VAV3: variants seen among roughly 807,000 people sequenced by gnomAD.
VAV3 encodes guanine nucleotide exchange factor VAV3.
VAV3 carries 94 observed loss-of-function variants against 131.2 expected under a neutral mutation model. The ratio of observed to expected loss-of-function variants is 0.72; its 90% CI spans 0.61 to 0.85. The LOEUF (loss-of-function observed/expected upper bound fraction) is 0.85. Ranked by LOEUF, VAV3 falls within the 40% of genes least tolerant of loss-of-function variation. The probability of loss-of-function intolerance (pLI) is 0.00; values close to 1 mark genes in which losing one functional copy is unlikely to be tolerated. For synonymous variants in VAV3, 349 were observed against 342.0 expected (o/e 1.02, Z -0.22); for missense variants, 939 against 1,002.7 (o/e 0.94, Z 0.86).
rs368494974 is a variant in VAV3 at position 107,757,243 on chromosome 1, C to T, written c.1086+18G>A. On this transcript the variant is annotated intron_variant, in intron 11 of 26. Transcript: ENST00000370056. ...AAGAATAAAAAATACAAACAAATTA[C>T]TGATGAATCTGCCCTACCTTCATGG... 3.1e-6 allele frequency: 5 copies of T among 1,604,928 alleles called. No individual in the cohort carries two copies. The South Asian group carries it at 3.4e-5, about 11-fold the overall frequency.
intron 19 of VAV3, among the ~76,000 whole-genome samples, chr1:107,654,965 T>C (rs180995673): frequency 5.8e-4 from 89 of 152,202 alleles, no homozygotes; most frequent in African/African-American, 1.7e-3. Flanking sequence ...TAATAACAAA[T>C]TGTGCCAAGA....
At chr1:107,914,819 G>T (rs1239807918) in intron 1 of VAV3, among the ~76,000 whole-genome samples, 1 of 152,072 alleles carries the variant, frequency 6.6e-6, no homozygotes, top group Admixed American at 6.6e-5. Flanking sequence ...AACAAGATTT[G>T]GTCCTTTTGC....
chr1:107,884,730 A>G (rs938500304), intron 1 of VAV3, among the ~76,000 whole-genome samples: 10 of 151,964 alleles, frequency 6.6e-5, no homozygotes, highest in African/African-American at 2.4e-4. Context: ...GATTATAAGC[A>G]TAAGCATCAT....
At chr1:107,575,595 T>C (rs1341723718) in intron 25 of VAV3, among the ~76,000 whole-genome samples, 1 of 152,212 alleles carries the variant, frequency 6.6e-6, no homozygotes, top group Non-Finnish European at 1.5e-5. Context: ...GTCCCATTAC[T>C]GGGGCACTAC....
At chr1:107,876,786 G>A (rs1169325169) in intron 1 of VAV3, among the ~76,000 whole-genome samples, 2 of 152,064 alleles carry the variant, frequency 1.3e-5, no homozygotes, top group Middle Eastern at 3.4e-3. Flanking sequence ...TTAAATAGAT[G>A]CATTTTATTA....
chr1:107,606,581 TTC>T (rs1388470953), intron 22 of VAV3, among the ~76,000 whole-genome samples: 1 of 152,060 alleles, frequency 6.6e-6, no homozygotes, highest in East Asian at 1.9e-4. Flanking sequence ...ACAGTCTAGC[TTC>T]CATATAGCTT....
Position 107,772,869 on chromosome 1 carries a change from T to C in VAV3, c.447-26A>G, listed in dbSNP as rs750059349. On this transcript the variant is annotated intron_variant, in intron 4 of 26. Transcript: ENST00000370056. The stretch of plus-strand genomic sequence containing the variant: ...CTACAACAAAGGATATCATATAAGG[T>C]CATTTTCTATTATGCAGTAAATGCA... The C allele has an allele frequency of 3.1e-6, 5 of 1,588,144 alleles. No homozygotes were observed. In the South Asian group the frequency reaches 5.6e-5, roughly 18 times the overall value.
intron 15 of VAV3, among the ~76,000 whole-genome samples, chr1:107,710,060 T>C (rs1360347156): frequency 3.3e-5 from 5 of 152,168 alleles, no homozygotes; most frequent in Non-Finnish European, 7.4e-5. Flanking sequence ...ATGCTTAAAA[T>C]GAACATTTTT....
At chr1:107,773,871 G>A (rs1295942766) in intron 4 of VAV3, among the ~76,000 whole-genome samples, 2 of 152,128 alleles carry the variant, frequency 1.3e-5, no homozygotes, top group African/African-American at 4.8e-5. Context: ...TTCTGCATTG[G>A]AGGGGATCCT....
intron 2 of VAV3, among the ~76,000 whole-genome samples, chr1:107,860,101 G>C (rs1315136089): frequency 6.6e-6 from 1 of 152,174 alleles, no homozygotes; most frequent in East Asian, 1.9e-4. Flanking sequence ...ATAGATAGTA[G>C]ATGAATCAAA....
At chr1:107,817,325 A>G (rs1381287574) in intron 2 of VAV3, among the ~76,000 whole-genome samples, 1 of 152,068 alleles carries the variant, frequency 6.6e-6, no homozygotes, top group Non-Finnish European at 1.5e-5. Context: ...CATTGGGTGT[A>G]CAGGTAGAGG....
chr1:107,729,184 C>T (rs1247934143), intron 15 of VAV3, among the ~76,000 whole-genome samples: 1 of 152,102 alleles, frequency 6.6e-6, no homozygotes, highest in African/African-American at 2.4e-5. Context: ...ACAGCAACAG[C>T]TTTAATTTAA....
rs144069652 is a variant in VAV3, at chr1:107,956,486, T to C, written c.204+8180A>G. On this transcript the variant is annotated intron_variant, in intron 1 of 26. Transcript: ENST00000370056. ...TAAGCCTTTGAAACGTACACAAGCATATATGCTACAGTCAGCCACAGCAAC... is the reference window on the plus strand; with the variant it reads ...TAAGCCTTTGAAACGTACACAAGCACATATGCTACAGTCAGCCACAGCAAC... Among the ~76,000 whole-genome samples, 463 of 152,282 alleles carry C rather than the reference T, an allele frequency of 3.0e-3. 3 individuals carry two copies. Among genetic ancestry groups the C allele is most frequent in the Middle Eastern group, 0.02 (6 of 294 alleles).
At chr1:107,888,716 C>T (rs541344275) in intron 1 of VAV3, among the ~76,000 whole-genome samples, 3 of 152,258 alleles carry the variant, frequency 2.0e-5, no homozygotes, top group Admixed American at 2.0e-4. Flanking sequence ...GCCTCGGCCT[C>T]CCAAAGTGCT....
rs1413560003 is a variant in VAV3, at chr1:107,646,336, T to C, written c.1778-3581A>G. ...AAATACAGACCCAACAATTGTTTAG[T>C]TTCTCTCCACTCCAGAATTTATTTA... On this transcript the variant is annotated intron_variant, in intron 19 of 26. Coordinates refer to ENST00000370056, the MANE Select transcript of VAV3 (RefSeq NM_006113.5). 6.6e-5 allele frequency among the ~76,000 whole-genome samples: 10 copies of C among 152,020 alleles called. No homozygotes were observed. In the East Asian group the frequency reaches 1.9e-3, roughly 29 times the overall value.
intron 2 of VAV3, among the ~76,000 whole-genome samples, chr1:107,810,970 A>G (rs1016721768): frequency 2.0e-5 from 3 of 152,184 alleles, no homozygotes; most frequent in African/African-American, 4.8e-5. Flanking sequence ...AGAAACAAAA[A>G]TAACAGACTA....
At chr1:107,897,626 G>T (rs11185204) in intron 1 of VAV3, among the ~76,000 whole-genome samples, 33,856 of 151,730 alleles carry the variant, frequency 0.22, 3,847 homozygotes, top group African/African-American at 0.27. Flanking sequence ...CACCACCTCA[G>T]GTGCATTCAC....
At chr1:107,923,156 T>C (rs144840221) in intron 1 of VAV3, among the ~76,000 whole-genome samples, 1 of 152,286 alleles carries the variant, frequency 6.6e-6, no homozygotes, top group East Asian at 1.9e-4. Flanking sequence ...TGTGTCATTA[T>C]AAGTTAAATT....
chr1:107,884,061 G>A (rs1670909316), intron 1 of VAV3, among the ~76,000 whole-genome samples: 1 of 151,730 alleles, frequency 6.6e-6, no homozygotes, highest in African/African-American at 2.4e-5. Flanking sequence ...GCTGCCTTTG[G>A]TGAAAGAAAG....
Sources: gnomAD v4.1 joint callset for allele counts (sites outside exome capture counted in the v4.1 genomes callset) on GRCh38, gnomAD v4.1.1 for gene constraint, MANE v1.5 for transcripts, NCBI Gene and HGNC (gene_info 2026-07-23, HGNC 2026-07-21) for gene names.